BMPR1B: variants seen among roughly 807,000 people sequenced by gnomAD.
The protein encoded by BMPR1B is bone morphogenetic protein receptor type 1B, also known as bone morphogenetic protein receptor type-1B.
In BMPR1B, 12 loss-of-function variants were observed where a neutral mutation model predicts 59.1. That is an observed-to-expected ratio of 0.20 (90% CI 0.13 to 0.33). The LOEUF (loss-of-function observed/expected upper bound fraction) is 0.33. Ranked by LOEUF, BMPR1B falls within the 10% of genes least tolerant of loss-of-function variation. The pLI is 1.00. For missense variants in BMPR1B, 550 were observed against 610.9 expected, an observed-to-expected ratio of 0.90 and a Z score of 1.05; for synonymous variants, 237 against 207.3, an observed-to-expected ratio of 1.14 and a Z score of -1.23.
intron 6 of BMPR1B, among the ~76,000 whole-genome samples, chr4:95,120,072 A>G (rs537601434): frequency 3.3e-5 from 5 of 152,056 alleles, no homozygotes; most frequent in Non-Finnish European, 7.4e-5. Context: ...GTTTATGTCC[A>G]TGTGTGCTCA....
At chr4:94,759,632 C>T (rs1560802237) in intron 1 of BMPR1B, among the ~76,000 whole-genome samples, 1 of 152,172 alleles carries the variant, frequency 6.6e-6, no homozygotes, top group Non-Finnish European at 1.5e-5. Context: ...TACCCCTTTA[C>T]ACTCTAGTGA....
At chr4:95,049,945 G>A (rs560740166) in intron 3 of BMPR1B, among the ~76,000 whole-genome samples, 175 of 152,138 alleles carry the variant, frequency 1.2e-3, no homozygotes, top group African/African-American at 3.9e-3. Context: ...TGGGGAGAGA[G>A]CAGAGATTCT....
At chr4:94,828,020 A>G (rs1311889159) in intron 1 of BMPR1B, among the ~76,000 whole-genome samples, 2 of 152,238 alleles carry the variant, frequency 1.3e-5, no homozygotes, top group Non-Finnish European at 2.9e-5. Context: ...TGTAAACAGC[A>G]GATAAGGTCA....
chr4:94,836,584 T>C (rs986751352), intron 1 of BMPR1B, among the ~76,000 whole-genome samples: 4 of 146,694 alleles, frequency 2.7e-5, no homozygotes, highest in South Asian at 2.2e-4. Context: ...TCATATCCTT[T>C]GCCCACTTTT....
chr4:95,141,522 A>G (rs568321591), intron 10 of BMPR1B, among the ~76,000 whole-genome samples: 3 of 152,284 alleles, frequency 2.0e-5, no homozygotes, highest in African/African-American at 4.8e-5. Flanking sequence ...AAAACGCTGT[A>G]TTGGTTTCTT....
At chr4:94,895,828 T>C (rs1164413825) in intron 2 of BMPR1B, among the ~76,000 whole-genome samples, 1 of 151,992 alleles carries the variant, frequency 6.6e-6, no homozygotes, top group Non-Finnish European at 1.5e-5. Flanking sequence ...CTTTAGTTAA[T>C]GCTAAAACTG....
intron 1 of BMPR1B, among the ~76,000 whole-genome samples, chr4:94,815,211 C>A (rs1374296281): frequency 6.6e-6 from 1 of 152,062 alleles, no homozygotes; most frequent in Non-Finnish European, 1.5e-5. Context: ...GGCCTTATTT[C>A]TTTTATAGTC....
intron 1 of BMPR1B, among the ~76,000 whole-genome samples, chr4:94,798,089 T>G (rs1578656155): frequency 6.6e-6 from 1 of 152,252 alleles, no homozygotes; most frequent in East Asian, 1.9e-4. Flanking sequence ...TCATCTAATT[T>G]TAATCTTATT....
chr4:95,091,346 A>G (rs973601978), intron 3 of BMPR1B: 19 of 449,442 alleles, frequency 4.2e-5, no homozygotes, highest in Non-Finnish European at 4.9e-5. Context: ...TTCCACTGTC[A>G]TATGCCATGG....
At chr4:94,850,380 T>C (rs1385256418) in intron 1 of BMPR1B, among the ~76,000 whole-genome samples, 1 of 152,244 alleles carries the variant, frequency 6.6e-6, no homozygotes, top group East Asian at 1.9e-4. Context: ...GTCTTTATGA[T>C]GTGTTAAACA....
At chr4:94,985,968 A>T (rs1721378983) in intron 2 of BMPR1B, among the ~76,000 whole-genome samples, 1 of 152,186 alleles carries the variant, frequency 6.6e-6, no homozygotes, top group Non-Finnish European at 1.5e-5. Context: ...TGGATCCCTT[A>T]GTCCTTAGAC....
intron 3 of BMPR1B, among the ~76,000 whole-genome samples, chr4:95,051,147 C>T (rs947182673): frequency 6.6e-6 from 1 of 152,124 alleles, no homozygotes; most frequent in African/African-American, 2.4e-5. Flanking sequence ...TATCTGGTGA[C>T]GTAGTGTGAG....
chr4:95,145,726 G>A (rs564866336), intron 10 of BMPR1B, among the ~76,000 whole-genome samples: 79 of 152,324 alleles, frequency 5.2e-4, no homozygotes, highest in African/African-American at 1.9e-3. Context: ...AGAGCTAAAT[G>A]TTTTGGAGGA....
At chr4:95,115,556 A>G (rs1334264807) in intron 5 of BMPR1B, 129 bp from the exon 6 acceptor site, 5 of 782,280 alleles carry the variant, frequency 6.4e-6, no homozygotes, top group Non-Finnish European at 1.1e-5. Flanking sequence ...GAACATATTT[A>G]AGGTGTTTGA....
intron 2 of BMPR1B, among the ~76,000 whole-genome samples, chr4:94,988,506 G>A (rs925643562): frequency 8.5e-5 from 13 of 152,074 alleles, no homozygotes; most frequent in African/African-American, 3.1e-4. Flanking sequence ...AGTTTAGTTT[G>A]CCATTTGGTT....
intron 2 of BMPR1B, among the ~76,000 whole-genome samples, chr4:94,912,672 G>A (rs1560543928): frequency 6.6e-6 from 1 of 152,142 alleles, no homozygotes; most frequent in East Asian, 1.9e-4. Context: ...ACAGCCAGCT[G>A]CCTCTGTAGC....
intron 2 of BMPR1B, among the ~76,000 whole-genome samples, chr4:94,891,307 TGAG>T (rs1727384537): frequency 6.6e-6 from 1 of 152,076 alleles, no homozygotes; most frequent in South Asian, 2.1e-4. Flanking sequence ...TTGAATATTA[TGAG>T]AAGTAATTTT....
chr4:95,148,729 T>G lies in BMPR1B; in HGVS notation c.1077-19T>G. ...GGTCCTCTTCAATGCTGTAATGCTT[T>G]GCTTTACTTTTTCCTTAGTGATACA... On this transcript the variant is annotated intron_variant, in intron 10 of 12. Transcript: ENST00000515059. 6.2e-7 allele frequency: 1 copy of G among 1,612,102 alleles called. No individual in the cohort carries two copies. The highest frequency in any genetic ancestry group is 8.5e-7 in the Non-Finnish European group (1 of 1,178,224).
intron 1 of BMPR1B, among the ~76,000 whole-genome samples, chr4:94,762,778 A>G (rs1170651738): frequency 6.6e-6 from 1 of 152,032 alleles, no homozygotes; most frequent in Non-Finnish European, 1.5e-5. Context: ...GGCTTGGCCA[A>G]GGGTGGAACC....
Sources: gnomAD v4.1 joint callset for allele counts (sites outside exome capture counted in the v4.1 genomes callset) on GRCh38, gnomAD v4.1.1 for gene constraint, MANE v1.5 for transcripts, NCBI Gene and HGNC (gene_info 2026-07-23, HGNC 2026-07-21) for gene names.